Variants in EPB41L4B observed in about 807,000 individuals in gnomAD.
EPB41L4B encodes the protein band 4.1-like protein 4B.
A neutral mutation model predicts 112.5 loss-of-function variants in EPB41L4B; 30 were observed. The ratio of observed to expected loss-of-function variants is 0.27; its 90% CI spans 0.20 to 0.36. EPB41L4B has a LOEUF of 0.36. Ranked by LOEUF, EPB41L4B falls within the 10% of genes least tolerant of loss-of-function variation. EPB41L4B has a pLI of 1.00. For synonymous variants in EPB41L4B, 408 were observed against 439.7 expected (o/e 0.93, Z 0.90); for missense variants, 1,024 against 1,133.3 (o/e 0.90, Z 1.38).
At chr9:109,313,575 G>A (rs1001062554) in intron 1 of EPB41L4B, among the ~76,000 whole-genome samples, 1 of 152,198 alleles carries the variant, frequency 6.6e-6, no homozygotes, top group African/African-American at 2.4e-5. Context: ...GGGACTCTGA[G>A]GTCACATCAA....
At chr9:109,308,206 G>A (rs749975507) in intron 1 of EPB41L4B, among the ~76,000 whole-genome samples, 4 of 152,032 alleles carry the variant, frequency 2.6e-5, no homozygotes, top group Admixed American at 6.6e-5. Context: ...GACCCAAGCA[G>A]GAGTGAGCTA....
chr9:109,280,772 A>C (rs1240358024), intron 1 of EPB41L4B, among the ~76,000 whole-genome samples: 1 of 152,056 alleles, frequency 6.6e-6, no homozygotes, highest in African/African-American at 2.4e-5. Flanking sequence ...TCCAAACACA[A>C]ATATGCTTAA....
At chr9:109,281,988 CA>C (rs1441257047) in intron 1 of EPB41L4B, among the ~76,000 whole-genome samples, 1 of 152,100 alleles carries the variant, frequency 6.6e-6, no homozygotes, top group Non-Finnish European at 1.5e-5. Context: ...AGAAACAACC[CA>C]AATATCTATC....
intron 1 of EPB41L4B, among the ~76,000 whole-genome samples, chr9:109,282,034 T>G (rs1437787162): frequency 2.0e-5 from 3 of 152,234 alleles, no homozygotes; most frequent in Non-Finnish European, 4.4e-5. Flanking sequence ...ACAGTATAAC[T>G]GTACAATGGA....
chr9:109,313,629 G>C (rs992008531), intron 1 of EPB41L4B, among the ~76,000 whole-genome samples: 3 of 152,240 alleles, frequency 2.0e-5, no homozygotes, highest in Non-Finnish European at 4.4e-5. Flanking sequence ...TTGTGGTGAG[G>C]AGGGTCAGAG....
At chr9:109,213,669 A>G (rs750827023) in intron 17 of EPB41L4B, 31 bp downstream of exon 17, 2 of 1,586,016 alleles carry the variant, frequency 1.3e-6, no homozygotes, top group Admixed American at 1.7e-5. Context: ...CACCAAGTCC[A>G]TGGTCATGGC....
At position 109,314,595 on chromosome 9, in the gene EPB41L4B, G is replaced by A. The variant is rs374546992; in HGVS notation, c.306+5546C>T. Among the ~76,000 whole-genome samples, 26 of 150,704 alleles carry A rather than the reference G, an allele frequency of 1.7e-4. No homozygotes were observed. The South Asian group carries it at 4.8e-3, about 28-fold the overall frequency. On this transcript the variant is annotated intron_variant, in intron 1 of 25. Transcript: ENST00000374566. ...GAGTTAGTGCTCTTGCTTGTATCACGACACCCCCTTTGGGAAGGGTGTTCA... is the reference window on the plus strand; with the variant it reads ...GAGTTAGTGCTCTTGCTTGTATCACAACACCCCCTTTGGGAAGGGTGTTCA...
intron 15 of EPB41L4B, among the ~76,000 whole-genome samples, chr9:109,223,237 C>T (rs1322162728): frequency 2.0e-5 from 3 of 151,854 alleles, no homozygotes; most frequent in Admixed American, 6.6e-5. Flanking sequence ...CCTAGGAGTT[C>T]GAGACCGGGC....
intron 20 of EPB41L4B, 115 bp downstream of exon 20, chr9:109,200,121 A>C: frequency 1.3e-6 from 1 of 750,868 alleles, no homozygotes; most frequent in East Asian, 2.6e-5. Context: ...ATTGGAAATA[A>C]ATGGAATTTG....
chr9:109,259,923 T>C (rs1835135615), intron 6 of EPB41L4B, among the ~76,000 whole-genome samples: 1 of 152,134 alleles, frequency 6.6e-6, no homozygotes, highest in Non-Finnish European at 1.5e-5. Flanking sequence ...GATGCTCTAG[T>C]GATCCTTAGA....
chr9:109,199,646 G>T (rs558606961), intron 20 of EPB41L4B, among the ~76,000 whole-genome samples: 1 of 152,170 alleles, frequency 6.6e-6, no homozygotes, highest in East Asian at 1.9e-4. Flanking sequence ...CAGCCTGAGC[G>T]ACAGAGCAAG....
rs566894880 is a variant in EPB41L4B at position 109,320,233 on chromosome 9, C to T, written c.214G>A (p.Ala72Thr). Residue 72 changes from alanine (A) to threonine (T), a missense_variant, in exon 1 of 26, where the codon GCC becomes ACC. Coordinates refer to ENST00000374566, the MANE Select transcript of EPB41L4B (RefSeq NM_019114.5). The part of the protein sequence containing the change: ...GGGPLLTGGA[A>T]VHISAAGAAK... ...GCGCCGGCGGCGGAGATGTGCACGG[C>T]CGCGCCGCCGGTGAGCAGGGGCCCG... 6 of 1,295,646 alleles carry T rather than the reference C, an allele frequency of 4.6e-6. No homozygotes were observed. Among genetic ancestry groups the T allele is most frequent in the Non-Finnish European group, 5.9e-6 (6 of 1,018,264 alleles). The allele number at this position is 1,295,646 out of a possible 1,614,324, so 80.3% of individuals were successfully genotyped here. A position where few individuals can be genotyped will look rare whatever the true frequency, so the allele number is the denominator to read the frequency against.
At chr9:109,175,333 T>C (rs372274814) in intron 25 of EPB41L4B, among the ~76,000 whole-genome samples, 19 of 152,310 alleles carry the variant, frequency 1.2e-4, no homozygotes, top group Middle Eastern at 3.4e-3. Flanking sequence ...TCTGAGGGAA[T>C]GTTGTAACAA....
chr9:109,262,413 C>T (rs530769891), intron 6 of EPB41L4B, among the ~76,000 whole-genome samples: 43 of 151,852 alleles, frequency 2.8e-4, no homozygotes, highest in African/African-American at 9.9e-4. Context: ...CCAAGTCCTT[C>T]TCCTTGTACT....
In EPB41L4B at chr9:109,194,136, A is replaced by G. The variant is rs1832559967; in HGVS notation, c.2223+84T>C. Reference sequence around the variant, plus strand: ...ACAATTGATTATGCAAAATTTAAATACATGCACCAGATGCTACTCAGTAAA... The same window carrying G: ...ACAATTGATTATGCAAAATTTAAATGCATGCACCAGATGCTACTCAGTAAA... On this transcript the variant is annotated intron_variant, in intron 21 of 25. Transcript: ENST00000374566. 2.1e-6 allele frequency: 3 copies of G among 1,446,514 alleles called. No individual in the cohort carries two copies. The East Asian group carries it at 6.9e-5, about 33-fold the overall frequency. The allele number at this position is 1,446,514 out of a possible 1,614,324, so 89.6% of individuals were successfully genotyped here.
In EPB41L4B at chr9:109,172,783, C is replaced by A. The variant is rs578072159; in HGVS notation, c.*1771G>T. On this transcript the variant is annotated 3_prime_UTR_variant, in exon 26 of 26. Coordinates refer to ENST00000374566, the MANE Select transcript of EPB41L4B (RefSeq NM_019114.5). ...AAGATTCAGCACTTAAAGGGTTAATCCTCGGTTATCTGAATATTCACATAC... is the reference window on the plus strand; with the variant it reads ...AAGATTCAGCACTTAAAGGGTTAATACTCGGTTATCTGAATATTCACATAC... 7 of 152,696 alleles carry A rather than the reference C, an allele frequency of 4.6e-5. No homozygotes were observed. Among genetic ancestry groups the A allele is most frequent in the Non-Finnish European group, 7.4e-5 (5 of 68,014 alleles). The allele number at this position is 152,696 out of a possible 1,614,324, so 9.5% of individuals were successfully genotyped here. A position where few individuals can be genotyped will look rare whatever the true frequency, so the allele number is the denominator to read the frequency against.
Position 109,173,334 on chromosome 9 carries a change from T to TA in EPB41L4B, c.*1219dup, listed in dbSNP as rs561714399. 1 of 152,460 alleles carries TA rather than the reference T, an allele frequency of 6.6e-6. No individual in the cohort carries two copies. The highest frequency in any genetic ancestry group is 2.1e-4 in the South Asian group (1 of 4,830). 9.4% of individuals were successfully genotyped at this position (152,460 alleles called of 1,614,324 possible). ...ATCTGGCAATATAAAACAAGAGCTA[T>TA]AAAATACTTCATGCTCTTTGACCTT... On this transcript the variant is annotated 3_prime_UTR_variant, in exon 26 of 26. Coordinates refer to ENST00000374566, the MANE Select transcript of EPB41L4B (RefSeq NM_019114.5).
chr9:109,314,279 AT>A, intron 1 of EPB41L4B, among the ~76,000 whole-genome samples: 1 of 152,220 alleles, frequency 6.6e-6, no homozygotes, highest in African/African-American at 2.4e-5. Flanking sequence ...GCCAGGCTGG[AT>A]TTTTTTCTAA....
chr9:109,247,739 T>G lies in EPB41L4B; in HGVS notation c.1344+17A>C. 2 of 1,421,600 alleles carry G rather than the reference T, an allele frequency of 1.4e-6. No homozygotes were observed. The allele number at this position is 1,421,600 out of a possible 1,614,324, so 88.1% of individuals were successfully genotyped here. A position where few individuals can be genotyped will look rare whatever the true frequency, so the allele number is the denominator to read the frequency against. On this transcript the variant is annotated intron_variant, in intron 14 of 25. Transcript: ENST00000374566. ...ATTTTCCTTCTTTAAAGAAAACCTTTAAAAGCAGTATCTTACCTGGTAATT... is the reference window on the plus strand; with the variant it reads ...ATTTTCCTTCTTTAAAGAAAACCTTGAAAAGCAGTATCTTACCTGGTAATT...
Sources: gnomAD v4.1 joint callset for allele counts (sites outside exome capture counted in the v4.1 genomes callset) on GRCh38, gnomAD v4.1.1 for gene constraint, MANE v1.5 for transcripts, NCBI Gene and HGNC (gene_info 2026-07-23, HGNC 2026-07-21) for gene names.